The following PRKCA variants were observed in gnomAD, a reference collection of about 807,000 sequenced individuals.
PRKCA encodes the protein protein kinase C alpha, also known as protein kinase C alpha type.
Under a neutral mutation model 87.0 loss-of-function variants are expected in PRKCA, and 27 were observed. That is an observed-to-expected ratio of 0.31 (90% confidence interval 0.23 to 0.43). PRKCA has a LOEUF of 0.43. Ranked by LOEUF, PRKCA falls within the 20% of genes least tolerant of loss-of-function variation. The pLI is 1.00. For synonymous variants in PRKCA, 329 were observed against 311.1 expected (o/e 1.06, Z -0.61); for missense variants, 518 against 852.3 (o/e 0.61, Z 4.88).
In PRKCA at chr17:66,721,252, C is replaced by A. The variant is rs1321982248; in HGVS notation, c.919-11436C>A. Among the ~76,000 whole-genome samples, 18 of 151,868 alleles carry A rather than the reference C, an allele frequency of 1.2e-4. 1 individual carries two copies. On this transcript the variant is annotated intron_variant, in intron 8 of 16. Transcript: ENST00000413366. ...TCTACTAAAAATACAAAAAAATTAGCCAGGCATGGTGGTGGGCACCTGTAG... is the reference window on the plus strand; with the variant it reads ...TCTACTAAAAATACAAAAAAATTAGACAGGCATGGTGGTGGGCACCTGTAG...
In PRKCA at chr17:66,676,111, C is replaced by T. The variant is rs77325216; in HGVS notation, c.530-11000C>T. Among the ~76,000 whole-genome samples the T allele has an allele frequency of 5.0e-3, 758 of 152,248 alleles. 17 individuals carry two copies. The East Asian group carries it at 0.068, about 14-fold the overall frequency. On this transcript the variant is annotated intron_variant, in intron 5 of 16. Coordinates refer to ENST00000413366, the MANE Select transcript of PRKCA (RefSeq NM_002737.3). ...CCGGTGCAGAACTGACTTGTGGCGA[C>T]GTGAGGGAACTGGCAGCTTCTTAGA...
At chr17:66,799,598 A>G (rs867453079) in intron 16 of PRKCA, among the ~76,000 whole-genome samples, 165 of 4,270 alleles carry the variant, frequency 0.039, 10 homozygotes, top group Middle Eastern at 0.2. Flanking sequence ...GGTGGTGGTG[A>G]TGGTGGTGGT....
intron 3 of PRKCA, among the ~76,000 whole-genome samples, chr17:66,634,228 A>G (rs1348610437): frequency 6.6e-6 from 1 of 152,172 alleles, no homozygotes; most frequent in African/African-American, 2.4e-5. Context: ...AGAGGTTTAG[A>G]TTTAGATTTG....
intron 3 of PRKCA, among the ~76,000 whole-genome samples, chr17:66,525,553 T>C (rs968189483): frequency 6.6e-6 from 1 of 152,062 alleles, no homozygotes; most frequent in African/African-American, 2.4e-5. Context: ...TGTGAGACAG[T>C]GGTTAGTGAA....
chr17:66,463,119 A>G (rs1914930350), intron 2 of PRKCA, among the ~76,000 whole-genome samples: 1 of 152,136 alleles, frequency 6.6e-6, no homozygotes, highest in South Asian at 2.1e-4. Flanking sequence ...CTTGAGGTAT[A>G]TGTGCGCTCT....
intron 13 of PRKCA, among the ~76,000 whole-genome samples, chr17:66,771,345 A>G (rs900201821): frequency 1.3e-5 from 2 of 152,190 alleles, no homozygotes; most frequent in African/African-American, 4.8e-5. Context: ...AGTTAGAAGC[A>G]TTTATTTTGA....
intron 3 of PRKCA, among the ~76,000 whole-genome samples, chr17:66,612,910 C>T (rs1466348901): frequency 6.6e-6 from 1 of 152,052 alleles, no homozygotes; most frequent in Non-Finnish European, 1.5e-5. Context: ...ATTTGTCAAA[C>T]TATAGAGTAT....
intron 16 of PRKCA, among the ~76,000 whole-genome samples, chr17:66,798,435 C>CGGTGGTGACGGTGGTGGTGGTGAT (rs1975736850): frequency 2.2e-4 from 3 of 13,686 alleles, no homozygotes; most frequent in African/African-American, 7.9e-4. Context: ...GTGGTGGTGA[C>CGGTGGTGACGGTGGTGGTGGTGAT]GGTGGTGGTG....
At chr17:66,499,915 A>G (rs228874) in intron 3 of PRKCA, among the ~76,000 whole-genome samples, 1 of 151,998 alleles carries the variant, frequency 6.6e-6, no homozygotes, top group Admixed American at 6.5e-5. Context: ...AGTGTCAGAC[A>G]TCTCATGCCG....
At chr17:66,340,379 T>C (rs8078541) in intron 2 of PRKCA, among the ~76,000 whole-genome samples, 33,655 of 124,000 alleles carry the variant, frequency 0.27, 4,179 homozygotes, top group East Asian at 0.42. Context: ...TTTTTTTTTT[T>C]CTTTTTTTTT....
intron 8 of PRKCA, among the ~76,000 whole-genome samples, chr17:66,731,844 C>T (rs1318739387): frequency 6.9e-5 from 9 of 129,864 alleles, no homozygotes; most frequent in Non-Finnish European, 9.3e-5. Context: ...AGTGCAATGG[C>T]GCGATCTCAG....
chr17:66,749,764 A>G (rs1229178712), intron 13 of PRKCA, among the ~76,000 whole-genome samples: 1 of 152,172 alleles, frequency 6.6e-6, no homozygotes, highest in African/African-American at 2.4e-5. Flanking sequence ...GAGGACAGAG[A>G]TGAAGCCTTG....
At chr17:66,576,380 ATTAAT>A (rs1018058443) in intron 3 of PRKCA, among the ~76,000 whole-genome samples, 1 of 152,260 alleles carries the variant, frequency 6.6e-6, no homozygotes, top group Non-Finnish European at 1.5e-5. Context: ...GCCTCTTGAA[ATTAAT>A]TTAAAGCATG....
intron 2 of PRKCA, among the ~76,000 whole-genome samples, chr17:66,466,734 G>A (rs1915102261): frequency 6.6e-6 from 1 of 152,028 alleles, no homozygotes; most frequent in South Asian, 2.1e-4. Flanking sequence ...TAATAAAATT[G>A]ACTTTATTTC....
intron 16 of PRKCA, among the ~76,000 whole-genome samples, chr17:66,789,579 C>T (rs531000462): frequency 6.6e-6 from 1 of 152,322 alleles, no homozygotes; most frequent in African/African-American, 2.4e-5. Context: ...GTATGCCAGG[C>T]CCTGTTCTGA....
intron 11 of PRKCA, among the ~76,000 whole-genome samples, chr17:66,740,970 C>T (rs778848076): frequency 2.0e-5 from 3 of 152,030 alleles, no homozygotes; most frequent in Non-Finnish European, 2.9e-5. Context: ...CGTGTAGACA[C>T]GTGTGCTTAT....
At chr17:66,788,593 T>C (rs933747734) in intron 15 of PRKCA, among the ~76,000 whole-genome samples, 1 of 152,096 alleles carries the variant, frequency 6.6e-6, no homozygotes, top group Non-Finnish European at 1.5e-5. Flanking sequence ...CATTTGGCCA[T>C]GGGTTCAGAT....
chr17:66,710,563 C>G (rs1973299007), intron 8 of PRKCA, among the ~76,000 whole-genome samples: 3 of 152,076 alleles, frequency 2.0e-5, no homozygotes, highest in South Asian at 4.2e-4. Context: ...CAGCCATGCT[C>G]TCCACCCTTA....
intron 2 of PRKCA, among the ~76,000 whole-genome samples, chr17:66,417,599 T>A (rs1391258497): frequency 6.6e-6 from 1 of 152,090 alleles, no homozygotes; most frequent in Non-Finnish European, 1.5e-5. Flanking sequence ...GCTCCTGCTG[T>A]CTCTTTTCTC....
Sources: allele counts gnomAD v4.1 joint callset (sites outside exome capture counted in the v4.1 genomes callset), GRCh38; gene constraint gnomAD v4.1.1; transcripts MANE v1.5; gene names NCBI Gene and HGNC (gene_info 2026-07-23, HGNC 2026-07-21).